Variants in ST6GALNAC5 observed in about 807,000 individuals in gnomAD.
The protein encoded by ST6GALNAC5 is ST6 N-acetylgalactosaminide alpha-2,6-sialyltransferase 5.
ST6GALNAC5 carries 27 observed loss-of-function variants against 33.6 expected under a neutral mutation model. The observed-to-expected ratio is 0.80, with a 90% confidence interval of 0.59 to 1.11. ST6GALNAC5 has a LOEUF of 1.11. Among genes scored for constraint, ST6GALNAC5 ranks in the 50% least tolerant of loss-of-function variants. The pLI is 0.00. For synonymous variants in ST6GALNAC5, 194 were observed against 171.2 expected, an observed-to-expected ratio of 1.13 and a Z score of -1.04; for missense variants, 428 against 454.0, an observed-to-expected ratio of 0.94 and a Z score of 0.52.
intron 2 of ST6GALNAC5, among the ~76,000 whole-genome samples, chr1:76,939,566 C>T (rs2100322567): frequency 6.6e-6 from 1 of 152,082 alleles, no homozygotes; most frequent in East Asian, 1.9e-4. Flanking sequence ...GGTTTCAGTT[C>T]ATTTTCTAGG....
intron 2 of ST6GALNAC5, among the ~76,000 whole-genome samples, chr1:76,919,519 A>C (rs1012136440): frequency 6.6e-6 from 1 of 152,268 alleles, no homozygotes; most frequent in East Asian, 1.9e-4. Context: ...TTAAAGGACA[A>C]GGTGCCTTTC....
At chr1:76,983,335 A>C (rs1001563065) in intron 2 of ST6GALNAC5, among the ~76,000 whole-genome samples, 1 of 152,130 alleles carries the variant, frequency 6.6e-6, no homozygotes, top group African/African-American at 2.4e-5. Flanking sequence ...AGCAAATAGA[A>C]AGAAAAAGAA....
At chr1:76,955,280 A>G (rs191538810) in intron 2 of ST6GALNAC5, among the ~76,000 whole-genome samples, 7 of 152,236 alleles carry the variant, frequency 4.6e-5, no homozygotes, top group African/African-American at 9.6e-5. Context: ...ACTGTCATCT[A>G]TGTTGCATAC....
intron 2 of ST6GALNAC5, among the ~76,000 whole-genome samples, chr1:76,870,981 G>A (rs370537985): frequency 1.3e-5 from 2 of 152,150 alleles, no homozygotes; most frequent in African/African-American, 2.4e-5. Context: ...TCTCTTTACC[G>A]CTACTATTTA....
chr1:76,999,940 G>A (rs1271184849), intron 2 of ST6GALNAC5, among the ~76,000 whole-genome samples: 9 of 117,440 alleles, frequency 7.7e-5, no homozygotes, highest in East Asian at 5.7e-4. Flanking sequence ...GAATAATGCC[G>A]CAATAAACAT....
chr1:76,918,737 A>G (rs1461666312), intron 2 of ST6GALNAC5, among the ~76,000 whole-genome samples: 1 of 152,086 alleles, frequency 6.6e-6, no homozygotes, highest in Non-Finnish European at 1.5e-5. Flanking sequence ...CCTAGGGAAT[A>G]AACACTCCTT....
intron 2 of ST6GALNAC5, among the ~76,000 whole-genome samples, chr1:76,986,680 A>G (rs1649511527): frequency 6.6e-6 from 1 of 152,228 alleles, no homozygotes; most frequent in Non-Finnish European, 1.5e-5. Flanking sequence ...CCAAAGGATT[A>G]TAAATCATGC....
chr1:76,918,305 A>G (rs1288666551), intron 2 of ST6GALNAC5, among the ~76,000 whole-genome samples: 1 of 152,046 alleles, frequency 6.6e-6, no homozygotes, highest in South Asian at 2.1e-4. Context: ...CAACATCAGT[A>G]ATGGAAGAGA....
chr1:76,942,773 C>T (rs1261637111), intron 2 of ST6GALNAC5, among the ~76,000 whole-genome samples: 4 of 152,204 alleles, frequency 2.6e-5, no homozygotes, highest in Admixed American at 6.5e-5. Context: ...CTGGGGATGA[C>T]GTGTTTGGCA....
chr1:76,941,737 GAGGAGCCTTCGGA>G (rs1169851330), intron 2 of ST6GALNAC5, among the ~76,000 whole-genome samples: 1 of 152,102 alleles, frequency 6.6e-6, no homozygotes, highest in Non-Finnish European at 1.5e-5. Flanking sequence ...GAAGCTGGAA[GAGGAGCCTTCGGA>G]AGGAGCCTTT....
intron 2 of ST6GALNAC5, among the ~76,000 whole-genome samples, chr1:76,895,558 C>T (rs1469463159): frequency 6.6e-6 from 1 of 152,164 alleles, no homozygotes; most frequent in Middle Eastern, 3.4e-3. Context: ...TGGGAGGACC[C>T]AGGACATCAG....
At chr1:76,925,844 A>C (rs1251136285) in intron 2 of ST6GALNAC5, among the ~76,000 whole-genome samples, 1 of 152,190 alleles carries the variant, frequency 6.6e-6, no homozygotes, top group African/African-American at 2.4e-5. Context: ...AAAGGTAACT[A>C]GTGATAAAAC....
At chr1:76,887,020 T>C (rs756818864) in intron 2 of ST6GALNAC5, among the ~76,000 whole-genome samples, 3 of 152,158 alleles carry the variant, frequency 2.0e-5, no homozygotes, top group Non-Finnish European at 4.4e-5. Context: ...ACACTGGTGT[T>C]CCCATTCATT....
At chr1:76,999,825 A>ATTTAT (rs1242647579) in intron 2 of ST6GALNAC5, among the ~76,000 whole-genome samples, 1 of 138,622 alleles carries the variant, frequency 7.2e-6, no homozygotes, top group Non-Finnish European at 1.6e-5. Context: ...TGAACTCATC[A>ATTTAT]CTTTTTATGG....
rs190873823 is a variant in ST6GALNAC5 at position 76,914,172 on chromosome 1, G to T, written c.261+45430G>T. 1.3e-3 allele frequency among the ~76,000 whole-genome samples: 201 copies of T among 152,224 alleles called. 2 individuals carry two copies. The highest frequency in any genetic ancestry group is 3.4e-3 in the Middle Eastern group (1 of 294). Reference sequence around the variant, plus strand: ...TCTTCAAGGAGAACTACAAACCACTGCTCAATGAAATCAAAGAGGATACAA... The same window carrying T: ...TCTTCAAGGAGAACTACAAACCACTTCTCAATGAAATCAAAGAGGATACAA... On this transcript the variant is annotated intron_variant, in intron 2 of 4. Transcript: ENST00000477717.
At chr1:76,983,096 G>C (rs1041697575) in intron 2 of ST6GALNAC5, among the ~76,000 whole-genome samples, 2 of 151,016 alleles carry the variant, frequency 1.3e-5, no homozygotes, top group African/African-American at 4.8e-5. Flanking sequence ...GGAAGAAACT[G>C]CATCAATTAA....
At chr1:77,023,620 T>C (rs1651130745) in intron 2 of ST6GALNAC5, among the ~76,000 whole-genome samples, 1 of 152,174 alleles carries the variant, frequency 6.6e-6, no homozygotes. Flanking sequence ...CTCGGACAGC[T>C]CAGAAATCTT....
chr1:76,919,667 G>A (rs1647011508), intron 2 of ST6GALNAC5, among the ~76,000 whole-genome samples: 1 of 152,186 alleles, frequency 6.6e-6, no homozygotes. Flanking sequence ...CAGAGTCTAA[G>A]TGCTGAGTAA....
rs918176630 is a variant in ST6GALNAC5 at position 77,016,799 on chromosome 1, A to G, written c.262-27405A>G. ...GCCTTTCAACAGTCCTACATCCACAAAAGGGGAAAGGGACACTGCACTGAA... is the reference window on the plus strand; with the variant it reads ...GCCTTTCAACAGTCCTACATCCACAGAAGGGGAAAGGGACACTGCACTGAA... On this transcript the variant is annotated intron_variant, in intron 2 of 4. Transcript: ENST00000477717. Among the ~76,000 whole-genome samples the G allele has an allele frequency of 4.6e-5, 7 of 152,318 alleles. No individual in the cohort carries two copies. In the East Asian group the frequency reaches 1.2e-3, roughly 25 times the overall value.
Sources: allele counts gnomAD v4.1 joint callset (sites outside exome capture counted in the v4.1 genomes callset), GRCh38; gene constraint gnomAD v4.1.1; transcripts MANE v1.5; gene names NCBI Gene and HGNC (gene_info 2026-07-23, HGNC 2026-07-21).